USH2A: variants seen among roughly 807,000 people sequenced by gnomAD.
USH2A encodes usherin.
In USH2A, 443 loss-of-function variants were observed where a neutral mutation model predicts 538.9. The observed-to-expected ratio is 0.82, with a 90% confidence interval of 0.76 to 0.89. The LOEUF (loss-of-function observed/expected upper bound fraction) is 0.89, where lower values mean the gene tolerates loss of function less well. Among genes scored for constraint, USH2A ranks in the 40% least tolerant of loss-of-function variants. USH2A has a pLI of 0.00. For missense variants in USH2A, 6,633 were observed against 6,324.8 expected (o/e 1.05, Z -1.65); for synonymous variants, 2,413 against 2,273.5 (o/e 1.06, Z -1.75).
chr1:216,034,556 T>C (rs1195769969), intron 32 of USH2A, among the ~76,000 whole-genome samples: 1 of 152,154 alleles, frequency 6.6e-6, no homozygotes. Flanking sequence ...CGGGGAGCCC[T>C]AAATTGAATA....
At chr1:216,097,966 T>C (rs191412028) in intron 21 of USH2A, among the ~76,000 whole-genome samples, 1 of 146,242 alleles carries the variant, frequency 6.8e-6, no homozygotes, top group Non-Finnish European at 1.5e-5. Context: ...GCCTCCCCCC[T>C]ACCTTTACAT....
chr1:216,324,129 A>C (rs1558038073), intron 7 of USH2A, 39 bp downstream of exon 7: 2 of 1,427,286 alleles, frequency 1.4e-6, no homozygotes, highest in African/African-American at 2.8e-5. Context: ...ATTAATAACC[A>C]ATCAGTCTAT....
intron 47 of USH2A, among the ~76,000 whole-genome samples, chr1:215,820,966 A>G (rs989471311): frequency 1.3e-5 from 2 of 151,830 alleles, no homozygotes; most frequent in African/African-American, 4.8e-5. Flanking sequence ...TATATGTACC[A>G]CATTTTCTTT....
At chr1:215,826,047 A>G (rs10864206) in intron 47 of USH2A, among the ~76,000 whole-genome samples, 81,472 of 152,038 alleles carry the variant, frequency 0.54, 22,027 homozygotes, top group Admixed American at 0.65. Context: ...AGAGAATTCT[A>G]GTGGCCAGAG....
At chr1:215,711,600 C>T (rs4375233) in intron 61 of USH2A, among the ~76,000 whole-genome samples, 25,069 of 151,950 alleles carry the variant, frequency 0.16, 2,279 homozygotes, top group East Asian at 0.31. Context: ...TAAAGTTTTT[C>T]TGGGGGGTCT....
intron 61 of USH2A, among the ~76,000 whole-genome samples, chr1:215,720,280 C>T (rs192818832): frequency 4.9e-4 from 74 of 152,302 alleles, no homozygotes; most frequent in Admixed American, 8.5e-4. Context: ...CCTTTCAAGG[C>T]ATGCAAGGAA....
intron 13 of USH2A, among the ~76,000 whole-genome samples, chr1:216,238,238 A>C (rs2035867995): frequency 6.6e-6 from 1 of 152,160 alleles, no homozygotes; most frequent in Admixed American, 6.5e-5. Context: ...TTCATTATAA[A>C]TTAGCCTTTG....
At chr1:215,846,952 A>G (rs775152841) in intron 44 of USH2A, among the ~76,000 whole-genome samples, 1 of 152,192 alleles carries the variant, frequency 6.6e-6, no homozygotes. Context: ...TAATACTTAA[A>G]TTTTTATCAG....
chr1:215,784,541 G>A (rs550383556), intron 52 of USH2A, among the ~76,000 whole-genome samples: 3 of 152,254 alleles, frequency 2.0e-5, no homozygotes, highest in Non-Finnish European at 4.4e-5. Context: ...TAGTCCTAAT[G>A]TAGTGACTAG....
Position 216,364,953 on chromosome 1 carries a change from C to T in USH2A, c.784G>A (p.Gly262Ser). 2 of 1,613,158 alleles carry T rather than the reference C, an allele frequency of 1.2e-6. No individual in the cohort carries two copies. Among genetic ancestry groups the T allele is most frequent in the East Asian group, 2.2e-5 (1 of 44,786 alleles). Residue 262 changes from glycine (G) to serine (S), a missense_variant and splice_region_variant, in exon 4 of 72, where the codon GGT becomes AGT. Coordinates refer to ENST00000307340, the MANE Select transcript of USH2A (RefSeq NM_206933.4). ...GTVQIGQSLNGLEQFVGRMQD... is the reference protein window; with the variant it reads ...GTVQIGQSLNSLEQFVGRMQD... ...TAACATTCTGAAGTCAGAAACTTAC[C>T]ATTTAAACTCTGTCCTATTTGCACA...
chr1:215,983,378 G>T (rs183318081), intron 35 of USH2A, among the ~76,000 whole-genome samples: 1 of 152,216 alleles, frequency 6.6e-6, no homozygotes, highest in Non-Finnish European at 1.5e-5. Context: ...TAAGTGAAAA[G>T]CTTTCAAAGA....
chr1:215,853,684 C>T (rs1004209245), intron 44 of USH2A, among the ~76,000 whole-genome samples: 13 of 152,152 alleles, frequency 8.5e-5, no homozygotes, highest in Non-Finnish European at 1.5e-4. Context: ...ATTTTTTCTG[C>T]CAGATACCCT....
intron 32 of USH2A, among the ~76,000 whole-genome samples, chr1:216,003,115 GA>G: frequency 6.6e-6 from 1 of 152,146 alleles, no homozygotes; most frequent in African/African-American, 2.4e-5. Flanking sequence ...TAACAACTGG[GA>G]CTGGGGCAGG....
At chr1:216,363,347 A>G (rs1392721257) in intron 4 of USH2A, among the ~76,000 whole-genome samples, 2 of 152,136 alleles carry the variant, frequency 1.3e-5, no homozygotes. Flanking sequence ...TGGGAAATCA[A>G]TATTATGATC....
At chr1:216,244,772 A>G (rs1168384312) in intron 13 of USH2A, among the ~76,000 whole-genome samples, 1 of 152,200 alleles carries the variant, frequency 6.6e-6, no homozygotes, top group East Asian at 1.9e-4. Flanking sequence ...TGGGTCTTTC[A>G]TTGGAAGGAC....
At position 215,789,955 on chromosome 1, in the gene USH2A, C is replaced by T. The variant is rs980246480; in HGVS notation, c.10182+104G>A. On this transcript the variant is annotated intron_variant, in intron 51 of 71. Transcript: ENST00000307340. ...GGATGTAATGTGAAAATGAATAATG[C>T]ACACAGGAGTTTTTATATTCCTATT... 1.0e-5 allele frequency: 11 copies of T among 1,057,422 alleles called. No individual in the cohort carries two copies. The East Asian group carries it at 1.3e-4, about 12-fold the overall frequency. The allele number at this position is 1,057,422 out of a possible 1,614,324, so 65.5% of individuals were successfully genotyped here.
At chr1:215,681,377 A>G (rs1441275094) in intron 61 of USH2A, among the ~76,000 whole-genome samples, 1 of 151,858 alleles carries the variant, frequency 6.6e-6, no homozygotes, top group African/African-American at 2.4e-5. Flanking sequence ...TCTGTTGCGT[A>G]CCATCCCCAT....
intron 14 of USH2A, 93 bp downstream of exon 14, chr1:216,231,860 T>A (rs1193748092): frequency 6.6e-7 from 1 of 1,520,770 alleles, no homozygotes; most frequent in African/African-American, 1.4e-5. Flanking sequence ...GCAAAAAAAA[T>A]ACTTTTTACA....
intron 71 of USH2A, among the ~76,000 whole-genome samples, chr1:215,628,402 C>T (rs762480666): frequency 1.1e-4 from 16 of 152,074 alleles, no homozygotes; most frequent in East Asian, 1.9e-4. Flanking sequence ...CCTGCCTCAG[C>T]CCCCCTAGTA....
Sources: gnomAD v4.1 joint callset for allele counts (sites outside exome capture counted in the v4.1 genomes callset) on GRCh38, gnomAD v4.1.1 for gene constraint, MANE v1.5 for transcripts, NCBI Gene and HGNC (gene_info 2026-07-23, HGNC 2026-07-21) for gene names.